The following SMG6 variants were observed in gnomAD, a reference collection of about 807,000 sequenced individuals.
The protein encoded by SMG6 is telomerase-binding protein EST1A.
A neutral mutation model predicts 142.2 loss-of-function variants in SMG6; 66 were observed. The ratio of observed to expected loss-of-function variants is 0.46; its 90% CI spans 0.38 to 0.57. The LOEUF (loss-of-function observed/expected upper bound fraction) is 0.57. SMG6 is among the 20% of genes least tolerant of loss of function. The pLI is 0.00. For missense variants in SMG6, 1,793 were observed against 1,832.0 expected (o/e 0.98, Z 0.39); for synonymous variants, 779 against 702.4 (o/e 1.11, Z -1.72).
At chr17:2,265,852 G>C (rs979099558) in intron 8 of SMG6, 3 of 281,274 alleles carry the variant, frequency 1.1e-5, no homozygotes, top group African/African-American at 6.9e-5. Flanking sequence ...AAGTGTGATG[G>C]AGTATGCTAT....
intron 15 of SMG6, among the ~76,000 whole-genome samples, chr17:2,072,498 G>C (rs916331621): frequency 6.6e-6 from 1 of 152,230 alleles, no homozygotes; most frequent in Non-Finnish European, 1.5e-5. Context: ...AACTGGGAAA[G>C]AGATCATATA....
intron 13 of SMG6, among the ~76,000 whole-genome samples, chr17:2,129,524 T>C (rs1004862630): frequency 4.6e-5 from 7 of 152,064 alleles, no homozygotes; most frequent in African/African-American, 1.7e-4. Flanking sequence ...CCAGGCATGG[T>C]TGGTCACACC....
At chr17:2,211,009 A>C (rs1007376133) in intron 10 of SMG6, among the ~76,000 whole-genome samples, 93 of 151,868 alleles carry the variant, frequency 6.1e-4, no homozygotes, top group African/African-American at 2.2e-3. Context: ...GGTACTTGAG[A>C]AGGATCACCA....
At chr17:2,070,072 TCCTCTAGCA>T (rs976358944) in intron 15 of SMG6, among the ~76,000 whole-genome samples, 2 of 152,092 alleles carry the variant, frequency 1.3e-5, no homozygotes, top group African/African-American at 4.8e-5. Context: ...TCCCACCGCC[TCCTCTAGCA>T]CCTCTCACCA....
In SMG6 at chr17:2,299,737, T is replaced by G. The variant is rs763208598; in HGVS notation, c.1016A>C (p.Gln339Pro). ...RNWSGRGEGE[Q>P]KNSAKEYRGT... ...TCGATATTCTTTAGCACTGTTTTTC[T>G]GCTCACCCTCCCCACGGCCAGACCA... Residue 339 changes from glutamine to proline, a missense_variant, in exon 2 of 19, where the codon CAG becomes CCG. Around this residue, in one of 3 missense-constraint regions of SMG6, gnomAD observed 1,597 missense variants for 1,584.6 expected, o/e 1.01. Transcript: ENST00000263073. The surrounding 1 kb of genome is among the most constrained non-coding windows in gnomAD (Gnocchi z 4.3). 2 of 1,614,222 alleles carry G rather than the reference T, an allele frequency of 1.2e-6. No individual in the cohort carries two copies. Among genetic ancestry groups the G allele is most frequent in the South Asian group, 1.1e-5 (1 of 91,086 alleles).
chr17:2,191,108 C>A (rs1252659922), intron 10 of SMG6, among the ~76,000 whole-genome samples: 1 of 152,236 alleles, frequency 6.6e-6, no homozygotes, highest in East Asian at 1.9e-4. Context: ...AACATGGTCT[C>A]TGCAACCGTA....
intron 15 of SMG6, among the ~76,000 whole-genome samples, chr17:2,078,598 C>G (rs946698726): frequency 6.6e-6 from 1 of 152,094 alleles, no homozygotes; most frequent in Non-Finnish European, 1.5e-5. Flanking sequence ...TCTTGAACTC[C>G]TGACCTCAAG....
chr17:2,218,365 C>T (rs755666572), intron 10 of SMG6, among the ~76,000 whole-genome samples: 12 of 151,946 alleles, frequency 7.9e-5, no homozygotes, highest in Non-Finnish European at 1.2e-4. Context: ...CTGGCTAACA[C>T]GGTGAAATCC....
At chr17:2,209,340 TTACAC>T (rs2072779486) in intron 10 of SMG6, among the ~76,000 whole-genome samples, 1 of 152,068 alleles carries the variant, frequency 6.6e-6, no homozygotes, top group Admixed American at 6.5e-5. Flanking sequence ...GTAGCTGGGA[TTACAC>T]GTGCACGCCA....
At chr17:2,153,731 G>T (rs111460735) in intron 13 of SMG6, among the ~76,000 whole-genome samples, 4 of 132,106 alleles carry the variant, frequency 3.0e-5, no homozygotes, top group East Asian at 2.4e-4. Flanking sequence ...TGACGGTGAC[G>T]GGGGAACCTG....
chr17:2,268,604 C>A (rs146511209), intron 8 of SMG6, among the ~76,000 whole-genome samples: 3 of 151,090 alleles, frequency 2.0e-5, no homozygotes, highest in Non-Finnish European at 4.4e-5. Context: ...AAAACCCCAT[C>A]GCTACTTAAA....
chr17:2,270,877 T>C (rs906147905), intron 8 of SMG6, among the ~76,000 whole-genome samples: 2 of 152,160 alleles, frequency 1.3e-5, no homozygotes, highest in Non-Finnish European at 2.9e-5. Flanking sequence ...TTCGAAACAA[T>C]AATTGGTCTA....
chr17:2,235,458 T>C (rs979137188), intron 10 of SMG6, among the ~76,000 whole-genome samples: 1 of 152,046 alleles, frequency 6.6e-6, no homozygotes, highest in Admixed American at 6.5e-5. Context: ...AACCCTTAAG[T>C]ACAAACGGGG....
intron 8 of SMG6, among the ~76,000 whole-genome samples, chr17:2,259,055 G>A (rs1450141851): frequency 6.6e-6 from 1 of 152,000 alleles, no homozygotes; most frequent in Non-Finnish European, 1.5e-5. Context: ...TCCAGCCTGG[G>A]CGACAAAGCG....
chr17:2,300,901 T>C (rs1362962840), intron 1 of SMG6, among the ~76,000 whole-genome samples: 1 of 152,224 alleles, frequency 6.6e-6, no homozygotes, highest in Non-Finnish European at 1.5e-5. Flanking sequence ...TGGGGCTACC[T>C]ACACTTGGGT....
intron 13 of SMG6, among the ~76,000 whole-genome samples, chr17:2,102,526 T>A (rs975675174): frequency 1.5e-5 from 2 of 134,234 alleles, no homozygotes; most frequent in African/African-American, 6.0e-5. Context: ...CCTGCTAATT[T>A]CATTTTTTTT....
intron 8 of SMG6, among the ~76,000 whole-genome samples, chr17:2,249,704 C>T (rs952377246): frequency 6.6e-6 from 1 of 152,198 alleles, no homozygotes; most frequent in African/African-American, 2.4e-5. Flanking sequence ...ATTGTGAGGC[C>T]ACCTGCGTTC....
chr17:2,269,219 C>CAA (rs746635212), intron 8 of SMG6, among the ~76,000 whole-genome samples: 14 of 82,614 alleles, frequency 1.7e-4, no homozygotes, highest in African/African-American at 2.4e-4. Context: ...GACTCCATCT[C>CAA]AAAAAAAAAA....
rs561940596 is a variant in SMG6, at chr17:2,077,189, A to C, written c.3681+4621T>G. Among the ~76,000 whole-genome samples, 13 of 152,322 alleles carry C rather than the reference A, an allele frequency of 8.5e-5. No individual in the cohort carries two copies. In the East Asian group the frequency reaches 1.9e-3, roughly 23 times the overall value. On this transcript the variant is annotated intron_variant, in intron 15 of 18. Coordinates refer to ENST00000263073, the MANE Select transcript of SMG6 (RefSeq NM_017575.5). ...AGTTCTGTGTCCCCCAGACACTGGC[A>C]CAGTAAATGCTCAATGCCGCTTGCT...
Sources: gnomAD v4.1 joint callset for allele counts (sites outside exome capture counted in the v4.1 genomes callset) on GRCh38, gnomAD v4.1.1 for gene constraint, gnomAD v4.1.1 regional missense constraint, Gnocchi (gnomAD v3.1) non-coding constraint, MANE v1.5 for transcripts, NCBI Gene and HGNC (gene_info 2026-07-23, HGNC 2026-07-21) for gene names.